The following TTL variants were observed in gnomAD, a reference collection of about 807,000 sequenced individuals.
TTL encodes the protein tubulin tyrosine ligase.
A neutral mutation model predicts 41.1 loss-of-function variants in TTL; 10 were observed. That is an observed-to-expected ratio of 0.24 (90% CI 0.15 to 0.41). The LOEUF is 0.41. Ranked by LOEUF, TTL falls within the 10% of genes least tolerant of loss-of-function variation. The pLI is 1.00. For synonymous variants in TTL, 175 were observed against 175.5 expected (o/e 1.00, Z 0.02); for missense variants, 367 against 460.4 (o/e 0.80, Z 1.86).
intron 1 of TTL, chr2:112,483,341 A>G: frequency 6.6e-6 from 1 of 152,302 alleles, no homozygotes; most frequent in Non-Finnish European, 1.5e-5. Context: ...AGTTGCCCAG[A>G]TCGGTTCAAC....
In TTL at chr2:112,526,880, AG is replaced by A. The variant is rs1369576297; in HGVS notation, c.1020-1798del. ...CTCTAGTTCTTTTAATTGTGAAGTT[AG>A]GGTATCAATTTTAGATCTTTCCTGC... On this transcript the variant is annotated intron_variant, in intron 6 of 6. Coordinates refer to ENST00000233336, the MANE Select transcript of TTL (RefSeq NM_153712.5). Among the ~76,000 whole-genome samples the A allele has an allele frequency of 3.3e-5, 5 of 152,322 alleles. No homozygotes were observed. The East Asian group carries it at 9.6e-4, about 29-fold the overall frequency.
At chr2:112,498,198 C>T (rs1194254861) in intron 3 of TTL, among the ~76,000 whole-genome samples, 1 of 152,070 alleles carries the variant, frequency 6.6e-6, no homozygotes, top group East Asian at 1.9e-4. Flanking sequence ...TGGCAGTCAC[C>T]TGTAATCCCT....
Position 112,539,922 on chromosome 2 carries a change from C to T in TTL, c.*11127C>T, listed in dbSNP as rs991865630. 1.3e-5 allele frequency: 2 copies of T among 152,090 alleles called. No individual in the cohort carries two copies. Among genetic ancestry groups the T allele is most frequent in the Non-Finnish European group, 2.9e-5 (2 of 68,014 alleles). The allele number at this position is 152,090 out of a possible 1,614,324, so 9.4% of individuals were successfully genotyped here. ...GAAAACAATTCCATTTATATCAACA[C>T]CAAAAAGAATGAAATACTTAGGAAT... On this transcript the variant is annotated 3_prime_UTR_variant, in exon 7 of 7. Transcript: ENST00000233336.
intron 5 of TTL, among the ~76,000 whole-genome samples, chr2:112,519,039 C>T (rs1347216897): frequency 1.3e-5 from 2 of 152,104 alleles, no homozygotes; most frequent in African/African-American, 4.8e-5. Context: ...TCTGGTACAC[C>T]AGAGTCATTG....
rs528128743 is a variant in TTL at position 112,514,840 on chromosome 2, T to A, written c.876-5442T>A. 1.1e-4 allele frequency among the ~76,000 whole-genome samples: 16 copies of A among 152,344 alleles called. No homozygotes were observed. In the South Asian group the frequency reaches 3.3e-3, roughly 32 times the overall value. ...TCTTCTAGGTCTCTAATTACATGAT[T>A]GTTAATGCTTTTCACTGTTTCTCAC... On this transcript the variant is annotated intron_variant, in intron 5 of 6. Transcript: ENST00000233336.
rs1238879168 is a variant in TTL, at chr2:112,503,005, C to A, written c.699C>A (p.Phe233Leu). The change falls in exon 5 of 7, where the codon TTC becomes TTA. Residue 233 changes from phenylalanine (F) to leucine (L), a missense_variant. Phe to Leu is a conservative substitution (Grantham distance 22, BLOSUM62 0). Transcript: ENST00000233336. ...TASEPYHVDN[F>L]QDKTCHLTNH... The stretch of plus-strand genomic sequence containing the variant: ...CAGAACCATATCATGTTGATAATTT[C>A]CAAGACAAAACCTGCCATTTGACCA... The A allele has an allele frequency of 5.0e-6, 8 of 1,613,920 alleles. No homozygotes were observed. In the South Asian group the frequency reaches 7.7e-5, roughly 16 times the overall value.
chr2:112,512,215 C>G (rs1341836530), intron 5 of TTL, among the ~76,000 whole-genome samples: 1 of 152,034 alleles, frequency 6.6e-6, no homozygotes, highest in East Asian at 1.9e-4. Flanking sequence ...CCTCAGCCTC[C>G]TGAGTAGCTG....
chr2:112,485,018 T>C (rs1426319898), intron 1 of TTL, among the ~76,000 whole-genome samples: 4 of 152,190 alleles, frequency 2.6e-5, no homozygotes, highest in African/African-American at 4.8e-5. Context: ...GGTGGGATCT[T>C]GGCTCACTGC....
At chr2:112,516,925 T>C (rs929408149) in intron 5 of TTL, among the ~76,000 whole-genome samples, 2 of 152,164 alleles carry the variant, frequency 1.3e-5, no homozygotes, top group Admixed American at 6.5e-5. Context: ...AGAATTCCTA[T>C]TTTAGGCAAA....
In TTL at chr2:112,482,609, T is replaced by A; in HGVS notation, c.157+108T>A. On this transcript the variant is annotated intron_variant, in intron 1 of 6. Transcript: ENST00000233336. The surrounding 1 kb of genome is among the most constrained non-coding windows in gnomAD (Gnocchi z 5.3). Reference sequence around the variant, plus strand: ...TTTTTAAAGGTCATACATTTTCTCCTCTGTCGCTTGTCGGGCACATCAGAA... The same window carrying A: ...TTTTTAAAGGTCATACATTTTCTCCACTGTCGCTTGTCGGGCACATCAGAA... 2 of 1,226,146 alleles carry A rather than the reference T, an allele frequency of 1.6e-6. No individual in the cohort carries two copies. Among genetic ancestry groups the A allele is most frequent in the Non-Finnish European group, 2.2e-6 (2 of 915,668 alleles). The allele number at this position is 1,226,146 out of a possible 1,614,324, so 76.0% of individuals were successfully genotyped here.
chr2:112,500,321 C>T (rs1297712121), intron 3 of TTL, among the ~76,000 whole-genome samples: 1 of 151,646 alleles, frequency 6.6e-6, no homozygotes, highest in Admixed American at 6.6e-5. Context: ...ACCTGTAATC[C>T]CAGCACTTTG....
intron 2 of TTL, among the ~76,000 whole-genome samples, chr2:112,493,024 G>A (rs1270559230): frequency 6.6e-6 from 1 of 152,226 alleles, no homozygotes; most frequent in Non-Finnish European, 1.5e-5. Context: ...TGCAGATACG[G>A]AGTTGAACTT....
intron 6 of TTL, among the ~76,000 whole-genome samples, chr2:112,527,860 GT>G (rs1682405662): frequency 6.6e-6 from 1 of 152,174 alleles, no homozygotes; most frequent in Non-Finnish European, 1.5e-5. Context: ...TCATTATGAT[GT>G]TAGCTGGTTA....
intron 2 of TTL, among the ~76,000 whole-genome samples, chr2:112,490,754 G>A (rs1681361115): frequency 6.6e-6 from 1 of 151,376 alleles, no homozygotes. Context: ...TGTATTTTTA[G>A]TAGAGACGGG....
Position 112,530,526 on chromosome 2 carries a change from G to T in TTL, c.*1731G>T, listed in dbSNP as rs1682481311. On this transcript the variant is annotated 3_prime_UTR_variant, in exon 7 of 7. Transcript: ENST00000233336. ...TGGTGTTTGGGAAATTCTGAGATGG[G>T]AGTGAGATCTGATCGGATCCTGGGA... The T allele has an allele frequency of 4.4e-6, 1 of 229,270 alleles. No individual in the cohort carries two copies. Among genetic ancestry groups the T allele is most frequent in the Non-Finnish European group, 8.6e-6 (1 of 115,640 alleles). The allele number at this position is 229,270 out of a possible 1,614,324, so 14.2% of individuals were successfully genotyped here.
At position 112,482,523 on chromosome 2, in the gene TTL, GT is replaced by G. The variant is rs1559007825; in HGVS notation, c.157+23del. On this transcript the variant is annotated intron_variant, in intron 1 of 6. Transcript: ENST00000233336. The surrounding 1 kb of genome is among the most constrained non-coding windows in gnomAD (Gnocchi z 5.3). The stretch of plus-strand genomic sequence containing the variant: ...CTGGGTGAGCCCCTCCCCGATTCCC[GT>G]CTGCCCTCCTCGGAGCGGCCCTGCG... 7.0e-6 allele frequency: 11 copies of G among 1,579,048 alleles called. No homozygotes were observed. Among genetic ancestry groups the G allele is most frequent in the Non-Finnish European group, 9.5e-6 (11 of 1,160,918 alleles).
intron 2 of TTL, among the ~76,000 whole-genome samples, chr2:112,493,300 G>A (rs1245530428): frequency 6.6e-6 from 1 of 151,890 alleles, no homozygotes; most frequent in Non-Finnish European, 1.5e-5. Context: ...GATTCCTGGG[G>A]AGTAAGAGCA....
intron 2 of TTL, among the ~76,000 whole-genome samples, chr2:112,487,734 G>A (rs565145980): frequency 2.0e-5 from 3 of 152,178 alleles, no homozygotes; most frequent in Non-Finnish European, 4.4e-5. Flanking sequence ...ACCTTGTAAT[G>A]GTGACATGAC....
intron 1 of TTL, chr2:112,483,296 G>A (rs539811029): frequency 1.8e-4 from 27 of 152,380 alleles, no homozygotes; most frequent in African/African-American, 6.5e-4. Flanking sequence ...GATAGGAGGG[G>A]ACTAGCGGCT....
Sources: gnomAD v4.1 joint callset for allele counts (sites outside exome capture counted in the v4.1 genomes callset) on GRCh38, gnomAD v4.1.1 for gene constraint, Gnocchi (gnomAD v3.1) non-coding constraint, MANE v1.5 for transcripts, NCBI Gene and HGNC (gene_info 2026-07-23, HGNC 2026-07-21) for gene names.